The following SPAST variants were observed in gnomAD, a reference collection of about 807,000 sequenced individuals.
SPAST encodes the protein spastin.
In SPAST, 30 loss-of-function variants were observed where a neutral mutation model predicts 76.6. The ratio of observed to expected loss-of-function variants is 0.39; its 90% CI spans 0.29 to 0.53. The LOEUF (loss-of-function observed/expected upper bound fraction) is 0.53. Among genes scored for constraint, SPAST ranks in the 20% least tolerant of loss-of-function variants. The probability of loss-of-function intolerance (pLI) is 0.68; values close to 1 mark genes in which losing one functional copy is unlikely to be tolerated. For missense variants in SPAST, 717 were observed against 770.5 expected (o/e 0.93, Z 0.82); for synonymous variants, 305 against 281.0 (o/e 1.09, Z -0.86).
In SPAST at chr2:32,087,470, C is replaced by T. The variant is rs538013519; in HGVS notation, c.416-22C>T. The T allele has an allele frequency of 2.6e-5, 38 of 1,455,490 alleles. No individual in the cohort carries two copies. In the East Asian group the frequency reaches 7.1e-4, roughly 27 times the overall value. The allele number at this position is 1,455,490 out of a possible 1,614,324, so 90.2% of individuals were successfully genotyped here. ...TAGTGTACTCTTCATACGATCTATA[C>T]AAATAATTTTTTATTTTAAAGCAGG... is the stretch of plus-strand genomic sequence containing the variant. On this transcript the variant is annotated intron_variant, in intron 1 of 16. Transcript: ENST00000315285.
chr2:32,154,630 C>T lies in SPAST; in HGVS notation c.*134C>T. On this transcript the variant is annotated 3_prime_UTR_variant, in exon 17 of 17. Transcript: ENST00000315285. ...GAGTCTTACATATTTGTGCACCAAA[C>T]TTGAAGATGAACCAGAAAACAGACT... 2 of 880,682 alleles carry T rather than the reference C, an allele frequency of 2.3e-6. No individual in the cohort carries two copies. Among genetic ancestry groups the T allele is most frequent in the Non-Finnish European group, 3.6e-6 (2 of 556,402 alleles). The allele number at this position is 880,682 out of a possible 1,614,324, so 54.6% of individuals were successfully genotyped here.
At chr2:32,146,424 G>A (rs1227475809) in intron 15 of SPAST, among the ~76,000 whole-genome samples, 5 of 152,030 alleles carry the variant, frequency 3.3e-5, no homozygotes, top group Non-Finnish European at 5.9e-5. Context: ...AACCAGGCCC[G>A]TTGGCATGAG....
chr2:32,095,359 A>G (rs1383959518), intron 3 of SPAST, among the ~76,000 whole-genome samples: 1 of 152,174 alleles, frequency 6.6e-6, no homozygotes, highest in Non-Finnish European at 1.5e-5. Context: ...TGTGTGACAA[A>G]GCTGGTTAAA....
Position 32,154,569 on chromosome 2 carries a change from G to A in SPAST, c.*73G>A, listed in dbSNP as rs951943637. The A allele has an allele frequency of 1.9e-5, 29 of 1,495,926 alleles. No homozygotes were observed. Among genetic ancestry groups the A allele is most frequent in the African/African-American group, 8.3e-5 (6 of 72,492 alleles). 92.7% of individuals were successfully genotyped at this position (1,495,926 alleles called of 1,614,324 possible). A position where few individuals can be genotyped will look rare whatever the true frequency, so the allele number is the denominator to read the frequency against. ...CACAAGATCTTCAATGAACGTCATC[G>A]GCTACAGAAACAGCCTAAGTTTACA... On this transcript the variant is annotated 3_prime_UTR_variant, in exon 17 of 17. Transcript: ENST00000315285.
At chr2:32,091,560 C>T (rs1439523162) in intron 3 of SPAST, among the ~76,000 whole-genome samples, 8 of 147,274 alleles carry the variant, frequency 5.4e-5, no homozygotes, top group African/African-American at 1.2e-4. Context: ...AGGCCGGGCA[C>T]GGTGGCTAAC....
At chr2:32,149,256 ATTTTT>A (rs59020104) in intron 16 of SPAST, among the ~76,000 whole-genome samples, 3 of 123,604 alleles carry the variant, frequency 2.4e-5, no homozygotes, top group Admixed American at 8.9e-5. Flanking sequence ...CGCCCAGCTA[ATTTTT>A]TTTTTTTTTG....
At chr2:32,069,551 C>CT (rs36023742) in intron 1 of SPAST, among the ~76,000 whole-genome samples, 56,464 of 139,514 alleles carry the variant, frequency 0.4, 11,475 homozygotes, top group East Asian at 0.63. Flanking sequence ...CATGACTTAT[C>CT]TTTTTTTTTT....
chr2:32,064,314 C>T, intron 1 of SPAST, 68 bp downstream of exon 1: 1 of 1,283,198 alleles, frequency 7.8e-7, no homozygotes, highest in Non-Finnish European at 1.1e-6. Flanking sequence ...CGGGGGAGGG[C>T]AACACCTGCG....
intron 1 of SPAST, among the ~76,000 whole-genome samples, chr2:32,073,452 G>A (rs1676830549): frequency 1.3e-5 from 2 of 152,128 alleles, no homozygotes; most frequent in South Asian, 4.1e-4. Context: ...AGTATAGATT[G>A]TCTACTCTTC....
chr2:32,150,239 A>ATTT (rs11363493), intron 16 of SPAST, among the ~76,000 whole-genome samples: 12 of 66,590 alleles, frequency 1.8e-4, no homozygotes, highest in African/African-American at 4.9e-4. Flanking sequence ...CGCCCAGCTA[A>ATTT]TTTTTTTTTT....
chr2:32,100,222 C>A (rs1180969396), intron 4 of SPAST, among the ~76,000 whole-genome samples: 2 of 151,308 alleles, frequency 1.3e-5, no homozygotes, highest in East Asian at 3.9e-4. Context: ...GGGTAAGATA[C>A]CTTGTTGTGG....
At chr2:32,103,221 C>A (rs1414639505) in intron 4 of SPAST, among the ~76,000 whole-genome samples, 3 of 152,154 alleles carry the variant, frequency 2.0e-5, no homozygotes, top group East Asian at 1.9e-4. Context: ...AGGGATTTAT[C>A]CATTTCTTCT....
At chr2:32,099,025 A>G (rs974585682) in intron 4 of SPAST, 134 bp downstream of exon 4, 15 of 712,128 alleles carry the variant, frequency 2.1e-5, no homozygotes, top group Middle Eastern at 5.6e-4. Flanking sequence ...TGTGTTGAAA[A>G]TATAGTACCT....
intron 4 of SPAST, among the ~76,000 whole-genome samples, chr2:32,113,932 G>GTTTTTTGT (rs1462299204): frequency 2.0e-5 from 3 of 150,648 alleles, no homozygotes; most frequent in African/African-American, 7.3e-5. Flanking sequence ...TAAAAATACT[G>GTTTTTTGT]TTTTTTGTTT....
rs374764997 is a variant in SPAST at position 32,089,648 on chromosome 2, G to A, written c.586+43G>A. ...ATTTGATGTGGGATGTATTGGAAAT[G>A]TGTGTTCAATGAAACTTTAATTTGT... is the stretch of plus-strand genomic sequence containing the variant. On this transcript the variant is annotated intron_variant, in intron 3 of 16. Transcript: ENST00000315285. The A allele has an allele frequency of 1.7e-5, 17 of 1,010,446 alleles. No individual in the cohort carries two copies. In the Admixed American group the frequency reaches 2.7e-4, roughly 16 times the overall value. 62.6% of individuals were successfully genotyped at this position (1,010,446 alleles called of 1,614,324 possible). A position where few individuals can be genotyped will look rare whatever the true frequency, so the allele number is the denominator to read the frequency against.
chr2:32,078,281 C>T (rs1359739410), intron 1 of SPAST, among the ~76,000 whole-genome samples: 1 of 152,158 alleles, frequency 6.6e-6, no homozygotes, highest in Non-Finnish European at 1.5e-5. Flanking sequence ...AAGTGATTGT[C>T]GTGCCTCAGC....
At chr2:32,140,531 C>T (rs988345040) in intron 12 of SPAST, among the ~76,000 whole-genome samples, 1 of 151,830 alleles carries the variant, frequency 6.6e-6, no homozygotes, top group African/African-American at 2.4e-5. Flanking sequence ...GGCTGATAAT[C>T]GCTTGAACCC....
At chr2:32,079,453 G>T (rs1677109886) in intron 1 of SPAST, among the ~76,000 whole-genome samples, 1 of 151,788 alleles carries the variant, frequency 6.6e-6, no homozygotes, top group African/African-American at 2.4e-5. Flanking sequence ...GGAGGTTGCA[G>T]TGAGATCATA....
chr2:32,074,714 G>A (rs1180129714), intron 1 of SPAST, among the ~76,000 whole-genome samples: 1 of 151,836 alleles, frequency 6.6e-6, no homozygotes, highest in Non-Finnish European at 1.5e-5. Context: ...ACCATGTTGA[G>A]CAGGCTGGTC....
Sources: gnomAD v4.1 joint callset for allele counts (sites outside exome capture counted in the v4.1 genomes callset) on GRCh38, gnomAD v4.1.1 for gene constraint, MANE v1.5 for transcripts, NCBI Gene and HGNC (gene_info 2026-07-23, HGNC 2026-07-21) for gene names.